HMBOX1: variants seen among roughly 807,000 people sequenced by gnomAD.
HMBOX1 encodes homeobox-containing protein 1.
Under a neutral mutation model 54.5 loss-of-function variants are expected in HMBOX1, and 14 were observed. That is an observed-to-expected ratio of 0.26 (90% CI 0.17 to 0.40). The LOEUF (loss-of-function observed/expected upper bound fraction) is 0.40. Among genes scored for constraint, HMBOX1 ranks in the 10% least tolerant of loss-of-function variants. The probability of loss-of-function intolerance (pLI) is 1.00; values close to 1 mark genes in which losing one functional copy is unlikely to be tolerated. For synonymous variants in HMBOX1, 160 were observed against 181.0 expected (o/e 0.88, Z 0.93); for missense variants, 332 against 514.4 (o/e 0.65, Z 3.43).
At chr8:29,047,792 C>A (rs1805815651) in intron 8 of HMBOX1, among the ~76,000 whole-genome samples, 1 of 152,000 alleles carries the variant, frequency 6.6e-6, no homozygotes, top group South Asian at 2.1e-4. Context: ...GTCTCGAACT[C>A]CCGACCTCAG....
In HMBOX1 at chr8:29,051,525, A is replaced by G; in HGVS notation, c.*370A>G. On this transcript the variant is annotated 3_prime_UTR_variant, in exon 10 of 10. Transcript: ENST00000287701. ...GGTACCTTTAGATTCTTGTAACACTAGTCTGTACTCCCTTTTCCTTCCCCA... is the reference window on the plus strand; with the variant it reads ...GGTACCTTTAGATTCTTGTAACACTGGTCTGTACTCCCTTTTCCTTCCCCA... The G allele has an allele frequency of 5.7e-6, 4 of 702,994 alleles. No individual in the cohort carries two copies. The East Asian group carries it at 8.0e-5, about 14-fold the overall frequency. The allele number at this position is 702,994 out of a possible 1,614,324, so 43.5% of individuals were successfully genotyped here.
chr8:29,051,072 A>G lies in HMBOX1; in HGVS notation c.1180A>G (p.Met394Val). The G allele has an allele frequency of 6.2e-7, 1 of 1,613,752 alleles. No individual in the cohort carries two copies. The highest frequency in any genetic ancestry group is 8.5e-7 in the Non-Finnish European group (1 of 1,179,934). Residue 394 changes from methionine to valine, a missense_variant, in exon 10 of 10, where the codon ATG becomes GTG. Met to Val is a conservative substitution (Grantham distance 21). This residue lies in a region of HMBOX1 where 69 missense variants were observed against 104.6 expected (regional missense o/e 0.66). Transcript: ENST00000287701. ...AGACCCCATCTCATTAGCTGTGGAAATGGCAGCAGTCAACCACACTATCTT... is the reference window on the plus strand; with the variant it reads ...AGACCCCATCTCATTAGCTGTGGAAGTGGCAGCAGTCAACCACACTATCTT... ...HQDPISLAVE[M>V]AAVNHTILAL...
At chr8:28,912,311 GA>G (rs1815606034) in intron 1 of HMBOX1, among the ~76,000 whole-genome samples, 2 of 152,114 alleles carry the variant, frequency 1.3e-5, no homozygotes, top group African/African-American at 4.8e-5. Flanking sequence ...GCTTCTTAAT[GA>G]AAAATAGGTA....
intron 4 of HMBOX1, among the ~76,000 whole-genome samples, chr8:28,984,639 G>A (rs985433805): frequency 1.3e-5 from 2 of 152,220 alleles, no homozygotes; most frequent in Admixed American, 1.3e-4. Context: ...ACCTCTGTAA[G>A]AGGTCAGCCA....
At chr8:29,012,657 A>G (rs1386837456) in intron 5 of HMBOX1, among the ~76,000 whole-genome samples, 2 of 152,230 alleles carry the variant, frequency 1.3e-5, no homozygotes, top group South Asian at 2.1e-4. Flanking sequence ...TACAGGGGTA[A>G]GGAGTTAACT....
At chr8:28,913,417 G>A (rs908847420) in intron 1 of HMBOX1, among the ~76,000 whole-genome samples, 2 of 151,952 alleles carry the variant, frequency 1.3e-5, no homozygotes, top group Non-Finnish European at 2.9e-5. Flanking sequence ...CTAAGTAGGT[G>A]AATTCACCCT....
At chr8:28,903,681 A>G (rs1294380499) in intron 1 of HMBOX1, among the ~76,000 whole-genome samples, 1 of 152,230 alleles carries the variant, frequency 6.6e-6, no homozygotes, top group Non-Finnish European at 1.5e-5. Flanking sequence ...TGTGTATGCA[A>G]AAGACATCTT....
chr8:28,908,623 C>T (rs772325776), intron 1 of HMBOX1, among the ~76,000 whole-genome samples: 5 of 152,032 alleles, frequency 3.3e-5, no homozygotes, highest in South Asian at 2.1e-4. Flanking sequence ...GGCATGGTGG[C>T]GCATGCCTGT....
chr8:28,930,529 A>G (rs928873245), intron 1 of HMBOX1, among the ~76,000 whole-genome samples: 10 of 152,228 alleles, frequency 6.6e-5, no homozygotes, highest in African/African-American at 1.9e-4. Context: ...GTCAAATAAC[A>G]TAAGTGAAGT....
At chr8:28,939,789 C>T (rs909348478) in intron 1 of HMBOX1, among the ~76,000 whole-genome samples, 2 of 152,028 alleles carry the variant, frequency 1.3e-5, no homozygotes, top group African/African-American at 2.4e-5. Context: ...GGGTTACATG[C>T]GTCAGCCACC....
At chr8:28,926,005 A>G (rs930780488) in intron 1 of HMBOX1, among the ~76,000 whole-genome samples, 1 of 152,088 alleles carries the variant, frequency 6.6e-6, no homozygotes, top group Non-Finnish European at 1.5e-5. Context: ...TTCTTACAGT[A>G]AAATGAACCT....
intron 6 of HMBOX1, among the ~76,000 whole-genome samples, chr8:29,027,163 G>GA (rs1382482991): frequency 6.6e-6 from 1 of 152,044 alleles, no homozygotes; most frequent in South Asian, 2.1e-4. Flanking sequence ...TTCTCAAGGG[G>GA]AAAAAAAGTC....
At chr8:28,958,259 A>G (rs1180671314) in intron 1 of HMBOX1, among the ~76,000 whole-genome samples, 4 of 152,222 alleles carry the variant, frequency 2.6e-5, no homozygotes, top group Non-Finnish European at 5.9e-5. Flanking sequence ...GAGCCACTGC[A>G]GACAGCTAAT....
intron 1 of HMBOX1, among the ~76,000 whole-genome samples, chr8:28,954,477 T>G (rs1439083909): frequency 6.6e-6 from 1 of 152,188 alleles, no homozygotes; most frequent in African/African-American, 2.4e-5. Flanking sequence ...ACATTCTTCT[T>G]AATACTTCTT....
At chr8:28,928,623 GATAA>G (rs749677718) in intron 1 of HMBOX1, among the ~76,000 whole-genome samples, 11 of 152,276 alleles carry the variant, frequency 7.2e-5, no homozygotes, top group Non-Finnish European at 1.0e-4. Context: ...TCTGTCCCCA[GATAA>G]ATAAAGAAAA....
chr8:28,894,187 G>A (rs1811590830), intron 1 of HMBOX1, among the ~76,000 whole-genome samples: 1 of 152,194 alleles, frequency 6.6e-6, no homozygotes, highest in African/African-American at 2.4e-5. Context: ...ACTTCCCACT[G>A]TAGTAGAACT....
chr8:28,902,856 G>A (rs1010942791), intron 1 of HMBOX1, among the ~76,000 whole-genome samples: 1 of 152,184 alleles, frequency 6.6e-6, no homozygotes, highest in African/African-American at 2.4e-5. Context: ...GAGCATGTAT[G>A]ATGGAAATAT....
chr8:28,900,271 A>AAATATATATATAT (rs747317282), intron 1 of HMBOX1, among the ~76,000 whole-genome samples: 20 of 70,344 alleles, frequency 2.8e-4, no homozygotes, highest in African/African-American at 6.5e-4. Context: ...AAAAAAAAAA[A>AAATATATATATAT]ATATATATAT....
At chr8:28,996,156 T>A (rs1276885623) in intron 4 of HMBOX1, among the ~76,000 whole-genome samples, 1 of 152,148 alleles carries the variant, frequency 6.6e-6, no homozygotes, top group South Asian at 2.1e-4. Flanking sequence ...CTTCTTATAC[T>A]TTTTATATTG....
Sources: allele counts gnomAD v4.1 joint callset (sites outside exome capture counted in the v4.1 genomes callset), GRCh38; gene constraint gnomAD v4.1.1; regional missense constraint gnomAD v4.1.1; transcripts MANE v1.5; gene names NCBI Gene and HGNC (gene_info 2026-07-23, HGNC 2026-07-21).